Variants in GTF2F2 observed in about 807,000 individuals in gnomAD.
GTF2F2 encodes the protein general transcription factor IIF subunit 2.
In GTF2F2, 23 loss-of-function variants were observed where a neutral mutation model predicts 42.2. The observed-to-expected ratio is 0.55, with a 90% CI of 0.39 to 0.77. GTF2F2 has a LOEUF of 0.77. Ranked by LOEUF, GTF2F2 falls within the 30% of genes least tolerant of loss-of-function variation. The pLI is 0.00. For missense variants in GTF2F2, 261 were observed against 287.2 expected, an observed-to-expected ratio of 0.91 and a Z score of 0.66; for synonymous variants, 105 against 100.8, an observed-to-expected ratio of 1.04 and a Z score of -0.25.
At position 45,212,469 on chromosome 13, in the gene GTF2F2, T is replaced by TTCTTTCTTTCTG. The variant is rs1566137136; in HGVS notation, c.386+4975_386+4976insGTCTTTCTTTCT. 3.7e-5 allele frequency among the ~76,000 whole-genome samples: 3 copies of TTCTTTCTTTCTG among 80,292 alleles called. No individual in the cohort carries two copies. In the East Asian group the frequency reaches 8.0e-4, roughly 22 times the overall value. The allele number at this position is 80,292 out of a possible 152,430, so 52.7% of individuals were successfully genotyped here. A position where few individuals can be genotyped will look rare whatever the true frequency, so the allele number is the denominator to read the frequency against. ...CTTGTTTCTTTCTTTCTTTCTTTCTTTCTTTCTTTCTTTCTTTCTTTCTTT... is the reference window on the plus strand; with the variant it reads ...CTTGTTTCTTTCTTTCTTTCTTTCTTTCTTTCTTTCTGTCTTTCTTTCTTTCTTTCTTTCTTT... On this transcript the variant is annotated intron_variant, in intron 5 of 7. Transcript: ENST00000340473.
chr13:45,129,114 A>G (rs751478683), intron 1 of GTF2F2, among the ~76,000 whole-genome samples: 7 of 152,212 alleles, frequency 4.6e-5, no homozygotes, highest in Non-Finnish European at 1.0e-4. Context: ...AAAGCTTCCA[A>G]ACATTCTTGT....
chr13:45,135,225 A>G (rs571010449), intron 1 of GTF2F2, among the ~76,000 whole-genome samples: 1 of 151,852 alleles, frequency 6.6e-6, no homozygotes, highest in South Asian at 2.1e-4. Context: ...AAGTGCTGAG[A>G]TTACAGGAGC....
intron 4 of GTF2F2, among the ~76,000 whole-genome samples, chr13:45,164,789 G>A (rs1285255505): frequency 6.6e-6 from 1 of 152,178 alleles, no homozygotes; most frequent in African/African-American, 2.4e-5. Flanking sequence ...GGTACCCAGT[G>A]CTGGTAAAAA....
chr13:45,185,989 T>C (rs1032253368), intron 4 of GTF2F2, among the ~76,000 whole-genome samples: 1 of 152,266 alleles, frequency 6.6e-6, no homozygotes, highest in East Asian at 1.9e-4. Flanking sequence ...TTTTTTTTTT[T>C]CTTGAGGCAG....
At chr13:45,253,063 C>T in intron 6 of GTF2F2, 93 bp downstream of exon 6, 2 of 547,648 alleles carry the variant, frequency 3.7e-6, no homozygotes, top group Admixed American at 7.9e-5. Context: ...TGAGAATTTA[C>T]ACACCTTGCC....
chr13:45,249,656 A>G (rs1164471552), intron 5 of GTF2F2, among the ~76,000 whole-genome samples: 2 of 152,232 alleles, frequency 1.3e-5, no homozygotes, highest in African/African-American at 4.8e-5. Flanking sequence ...GGGAACAATC[A>G]TTTAATATGG....
At chr13:45,153,875 G>C (rs2138122939) in intron 4 of GTF2F2, among the ~76,000 whole-genome samples, 1 of 150,764 alleles carries the variant, frequency 6.6e-6, no homozygotes, top group East Asian at 2.0e-4. Context: ...TACTCAGGAA[G>C]CTGAAGCAGG....
At chr13:45,238,105 C>T (rs924248237) in intron 5 of GTF2F2, among the ~76,000 whole-genome samples, 14 of 152,100 alleles carry the variant, frequency 9.2e-5, no homozygotes, top group Admixed American at 8.5e-4. Flanking sequence ...AGGTGCACAC[C>T]GCTGCACTCG....
chr13:45,193,730 G>A (rs1301265695), intron 4 of GTF2F2: 2 of 1,490,094 alleles, frequency 1.3e-6, no homozygotes, highest in Non-Finnish European at 1.8e-6. Flanking sequence ...CTTTGATGCT[G>A]TGGTTTTCCG....
intron 7 of GTF2F2, among the ~76,000 whole-genome samples, chr13:45,276,416 T>C (rs1319814426): frequency 6.6e-6 from 1 of 151,486 alleles, no homozygotes; most frequent in Non-Finnish European, 1.5e-5. Context: ...TAACTTTGTT[T>C]AGCCTTCTGA....
intron 1 of GTF2F2, among the ~76,000 whole-genome samples, chr13:45,135,254 A>G (rs896560715): frequency 7.4e-5 from 11 of 149,362 alleles, no homozygotes; most frequent in African/African-American, 2.7e-4. Flanking sequence ...ACACCCCATG[A>G]ACCCATAGTA....
chr13:45,193,839 A>G (rs367728341), intron 4 of GTF2F2: 2 of 1,613,424 alleles, frequency 1.2e-6, no homozygotes, highest in Admixed American at 1.7e-5. Context: ...CTTTGGAACA[A>G]TCCAGGCTGG....
chr13:45,156,505 A>T (rs999275001), intron 4 of GTF2F2, among the ~76,000 whole-genome samples: 2 of 152,274 alleles, frequency 1.3e-5, no homozygotes, highest in African/African-American at 4.8e-5. Flanking sequence ...TTAGCTGTGG[A>T]TGTCACAGAC....
At chr13:45,213,100 A>T (rs1168224315) in intron 5 of GTF2F2, among the ~76,000 whole-genome samples, 1 of 150,046 alleles carries the variant, frequency 6.7e-6, no homozygotes, top group Admixed American at 6.6e-5. Flanking sequence ...TTTTTTTGAG[A>T]CAGAGTCTCG....
In GTF2F2 at chr13:45,244,248, GATTTTAT is replaced by G. The variant is rs571179440; in HGVS notation, c.387-8622_387-8616del. Among the ~76,000 whole-genome samples, 172 of 152,264 alleles carry G rather than the reference GATTTTAT, an allele frequency of 1.1e-3. No homozygotes were observed. In the East Asian group the frequency reaches 0.019, roughly 17 times the overall value. ...CTAAGTTCGTGAAGTTTTTATTAGA[GATTTTAT>G]TCTGTTATATGACCTTTTATGGGAC... On this transcript the variant is annotated intron_variant, in intron 5 of 7. Coordinates refer to ENST00000340473, the MANE Select transcript of GTF2F2 (RefSeq NM_004128.3).
chr13:45,265,078 G>C (rs1037818380), intron 6 of GTF2F2, among the ~76,000 whole-genome samples: 1 of 152,056 alleles, frequency 6.6e-6, no homozygotes, highest in South Asian at 2.1e-4. Context: ...GGCCAACATA[G>C]TGAAACCCTG....
intron 1 of GTF2F2, 142 bp from the exon 2 acceptor site, chr13:45,136,591 A>C (rs571654691): frequency 1.1e-4 from 57 of 506,902 alleles, no homozygotes; most frequent in Admixed American, 5.0e-4. Context: ...TTAGTATTTT[A>C]TATAGTGTAA....
chr13:45,245,547 T>C (rs1875542943), intron 5 of GTF2F2, among the ~76,000 whole-genome samples: 1 of 151,900 alleles, frequency 6.6e-6, no homozygotes, highest in Non-Finnish European at 1.5e-5. Context: ...GAACATACAA[T>C]GTTTGGTTTC....
intron 5 of GTF2F2, among the ~76,000 whole-genome samples, chr13:45,210,537 A>G (rs1352464675): frequency 1.3e-5 from 2 of 152,090 alleles, no homozygotes; most frequent in African/African-American, 4.8e-5. Context: ...GTTTACTTAT[A>G]TTTATTGCCA....
Sources: allele counts gnomAD v4.1 joint callset (sites outside exome capture counted in the v4.1 genomes callset), GRCh38; gene constraint gnomAD v4.1.1; transcripts MANE v1.5; gene names NCBI Gene and HGNC (gene_info 2026-07-23, HGNC 2026-07-21).